Variants in GAS2 observed in about 807,000 individuals in gnomAD.
GAS2 encodes the protein growth arrest specific 2.
In GAS2, 20 loss-of-function variants were observed where a neutral mutation model predicts 37.5. The ratio of observed to expected loss-of-function variants is 0.53; its 90% CI spans 0.37 to 0.77. GAS2 has a LOEUF of 0.77. Among genes scored for constraint, GAS2 ranks in the 30% least tolerant of loss-of-function variants. GAS2 has a pLI of 0.00. For synonymous variants in GAS2, 144 were observed against 132.2 expected (o/e 1.09, Z -0.61); for missense variants, 336 against 373.4 (o/e 0.90, Z 0.82).
intron 6 of GAS2, among the ~76,000 whole-genome samples, chr11:22,751,239 TTTCTCACTATAC>T (rs1266086919): frequency 6.6e-6 from 1 of 152,028 alleles, no homozygotes; most frequent in Non-Finnish European, 1.5e-5. Context: ...CCATTGTTGC[TTTCTCACTATAC>T]TTCTGCCTAC....
At chr11:22,668,377 C>T (rs1849070280) in intron 1 of GAS2, 1 of 152,218 alleles carries the variant, frequency 6.6e-6, no homozygotes, top group African/African-American at 2.4e-5. Flanking sequence ...TGTGCCTTTG[C>T]AAAGCACATT....
chr11:22,682,210 A>G (rs1849714576), intron 2 of GAS2, among the ~76,000 whole-genome samples: 1 of 152,118 alleles, frequency 6.6e-6, no homozygotes, highest in Admixed American at 6.5e-5. Context: ...TATTCATGAA[A>G]AACAGGATAA....
chr11:22,707,988 A>T (rs77816866), intron 3 of GAS2, among the ~76,000 whole-genome samples: 5 of 152,044 alleles, frequency 3.3e-5, no homozygotes, highest in Admixed American at 6.6e-5. Flanking sequence ...TAGATCTGAG[A>T]TGTTAAAGGG....
intron 2 of GAS2, among the ~76,000 whole-genome samples, chr11:22,680,274 G>C (rs1305032973): frequency 1.3e-5 from 2 of 152,134 alleles, no homozygotes; most frequent in Admixed American, 6.5e-5. Flanking sequence ...TTTCAGAGCA[G>C]TTATCCTAAT....
Position 22,749,214 on chromosome 11 carries a change from T to G in GAS2, c.568T>G (p.Ser190Ala), listed in dbSNP as rs1853590019. ...SAPSPSPSPS[S>A]KSSGKKSTGN... ...CCCTTCTCCTTCACCTTCTCCTTCA[T>G]CAAAGTCTTCTGGAAAAAAGAGTAC... is the stretch of plus-strand genomic sequence containing the variant. The change falls in exon 6 of 8, where the codon TCA (serine) becomes GCA (alanine). Residue 190 changes from serine (S) to alanine (A), a missense_variant. Physicochemically the swap from Ser to Ala is moderately conservative, Grantham distance 99 (BLOSUM62 1). Transcript: ENST00000454584. 1 of 1,612,592 alleles carries G rather than the reference T, an allele frequency of 6.2e-7. No homozygotes were observed. Among genetic ancestry groups the G allele is most frequent in the Admixed American group, 1.7e-5 (1 of 59,822 alleles).
rs139332019 is a variant in GAS2, at chr11:22,667,582, ATTGT to A, written c.-21+687_-21+690del. 7.6e-3 allele frequency among the ~76,000 whole-genome samples: 1,154 copies of A among 152,300 alleles called. 12 individuals carry two copies. The highest frequency in any genetic ancestry group is 0.026 in the African/African-American group (1,097 of 41,554). On this transcript the variant is annotated intron_variant, in intron 1 of 7. Coordinates refer to ENST00000454584, the MANE Select transcript of GAS2 (RefSeq NM_001143830.3). Reference sequence around the variant, plus strand: ...TCCAAAGTTGAGACTGGAATCTGAAATTGTTTGGGGAACAAAGGAGGCAATTTTG... The same window carrying A: ...TCCAAAGTTGAGACTGGAATCTGAAATTGGGGAACAAAGGAGGCAATTTTG...
At chr11:22,777,384 A>C (rs1487516516) in intron 7 of GAS2, among the ~76,000 whole-genome samples, 1 of 152,226 alleles carries the variant, frequency 6.6e-6, no homozygotes, top group African/African-American at 2.4e-5. Context: ...AAATAAAATA[A>C]GACAAAATGA....
chr11:22,812,213 C>A lies in GAS2; in HGVS notation c.*197C>A, dbSNP rs943443601. On this transcript the variant is annotated 3_prime_UTR_variant, in exon 8 of 8. Transcript: ENST00000454584. ...AGAATATGACCTATTAAAAGAAAAT[C>A]TAAACTCAAATTTAAATTATCCAAA... 11 of 513,214 alleles carry A rather than the reference C, an allele frequency of 2.1e-5. No homozygotes were observed. The highest frequency in any genetic ancestry group is 1.3e-4 in the East Asian group (4 of 31,806). The allele number at this position is 513,214 out of a possible 1,614,324, so 31.8% of individuals were successfully genotyped here. A position where few individuals can be genotyped will look rare whatever the true frequency, so the allele number is the denominator to read the frequency against.
intron 3 of GAS2, among the ~76,000 whole-genome samples, chr11:22,697,669 A>G (rs1174308702): frequency 6.6e-6 from 1 of 152,064 alleles, no homozygotes; most frequent in Non-Finnish European, 1.5e-5. Context: ...CGTCCCTTGT[A>G]ATTTGGATTC....
intron 7 of GAS2, among the ~76,000 whole-genome samples, chr11:22,800,952 AT>A (rs11305711): frequency 0.23 from 34,164 of 151,642 alleles, 5,042 homozygotes; most frequent in African/African-American, 0.42. Context: ...ATAAATGCAT[AT>A]TTTTTTCTGG....
chr11:22,780,289 G>A (rs967805607), intron 7 of GAS2, among the ~76,000 whole-genome samples: 4 of 152,122 alleles, frequency 2.6e-5, no homozygotes, highest in Non-Finnish European at 5.9e-5. Context: ...GAGGTCAGGA[G>A]ATCGAGACCA....
intron 4 of GAS2, among the ~76,000 whole-genome samples, chr11:22,736,247 A>G (rs1852749518): frequency 6.6e-6 from 1 of 151,984 alleles, no homozygotes; most frequent in African/African-American, 2.4e-5. Context: ...GAGGTAGTAA[A>G]TATCTTCATT....
intron 6 of GAS2, among the ~76,000 whole-genome samples, chr11:22,751,524 A>T (rs999133893): frequency 3.3e-5 from 5 of 151,966 alleles, no homozygotes; most frequent in Non-Finnish European, 5.9e-5. Context: ...TTTTTTGGAT[A>T]TATTATCAAT....
intron 7 of GAS2, among the ~76,000 whole-genome samples, chr11:22,811,238 A>T (rs1857146809): frequency 6.6e-6 from 1 of 152,234 alleles, no homozygotes; most frequent in South Asian, 2.1e-4. Context: ...ATAAAGAAAA[A>T]CATAAATGTT....
chr11:22,685,542 C>A, intron 2 of GAS2, 126 bp from the exon 3 acceptor site: 1 of 909,576 alleles, frequency 1.1e-6, no homozygotes, highest in Non-Finnish European at 1.6e-6. Flanking sequence ...TTCTGGTAAG[C>A]TCCTATCCCA....
chr11:22,641,509 C>T (rs1020796158), intron 1 of GAS2, among the ~76,000 whole-genome samples: 1 of 150,572 alleles, frequency 6.6e-6, no homozygotes, highest in African/African-American at 2.4e-5. Context: ...ACACACCCCA[C>T]GACAGGCCCT....
At position 22,776,326 on chromosome 11, in the gene GAS2, T is replaced by TA. The variant is rs1469141234; in HGVS notation, c.723+20373_723+20374insA. Among the ~76,000 whole-genome samples, 545 of 152,370 alleles carry TA rather than the reference T, an allele frequency of 3.6e-3. 1 individual carries two copies. Among genetic ancestry groups the TA allele is most frequent in the African/African-American group, 0.012 (516 of 41,598 alleles). ...TAGCAATGAATTTGCGTGGTGGCTGTGTTCCAATAACACTGTACTTACAAA... is the reference window on the plus strand; with the variant it reads ...TAGCAATGAATTTGCGTGGTGGCTGTAGTTCCAATAACACTGTACTTACAAA... On this transcript the variant is annotated intron_variant, in intron 7 of 7. Transcript: ENST00000454584.
At chr11:22,664,364 C>CA (rs1342083154), upstream of GAS2, among the ~76,000 whole-genome samples, 2 of 151,844 alleles carry the variant, frequency 1.3e-5, no homozygotes, top group African/African-American at 4.8e-5. Context: ...TTTTTAAACT[C>CA]AAAAAAGTAT....
chr11:22,676,090 C>G (rs963490049), intron 2 of GAS2, among the ~76,000 whole-genome samples: 1 of 152,040 alleles, frequency 6.6e-6, no homozygotes, highest in African/African-American at 2.4e-5. Flanking sequence ...TTTGGCAACT[C>G]TGTAGTCTAA....
Sources: allele counts gnomAD v4.1 joint callset (sites outside exome capture counted in the v4.1 genomes callset), GRCh38; gene constraint gnomAD v4.1.1; transcripts MANE v1.5; gene names NCBI Gene and HGNC (gene_info 2026-07-23, HGNC 2026-07-21).